DGCR2: variants seen among roughly 807,000 people sequenced by gnomAD.
DGCR2 encodes DiGeorge syndrome critical region gene 2.
DGCR2 carries 24 observed loss-of-function variants against 51.6 expected under a neutral mutation model. That is an observed-to-expected ratio of 0.47 (90% CI 0.34 to 0.65). DGCR2 has a LOEUF of 0.65. DGCR2 is among the 30% of genes least tolerant of loss of function. The pLI is 0.01. For synonymous variants in DGCR2, 340 were observed against 315.4 expected (o/e 1.08, Z -0.82); for missense variants, 765 against 772.1 (o/e 0.99, Z 0.11).
At chr22:19,084,795 T>A (rs1474974906) in intron 2 of DGCR2, among the ~76,000 whole-genome samples, 1 of 114,938 alleles carries the variant, frequency 8.7e-6, no homozygotes, top group Non-Finnish European at 1.7e-5. Context: ...AGCCGCCCCG[T>A]CCGGGAAGGA....
chr22:19,041,488 A>C, intron 8 of DGCR2, 194 bp from the exon 9 acceptor site: 1 of 618,972 alleles, frequency 1.6e-6, no homozygotes, highest in Non-Finnish European at 2.8e-6. Flanking sequence ...TCTCACCCTC[A>C]CCACACCAAC....
At position 19,063,167 on chromosome 22, in the gene DGCR2, AGCTTCAAACACTCCCACACACCAGAAGG is replaced by A; in HGVS notation, c.625+7_625+34del. 3 of 1,600,890 alleles carry A rather than the reference AGCTTCAAACACTCCCACACACCAGAAGG, an allele frequency of 1.9e-6. No homozygotes were observed. The highest frequency in any genetic ancestry group is 2.6e-6 in the Non-Finnish European group (3 of 1,168,050). ...GCCCCGAATCAGGGTGACTCTGCCCAGCTTCAAACACTCCCACACACCAGAAGGGCTCACCTTTGAATGCCACCTCCCA... is the reference window on the plus strand; with the variant it reads ...GCCCCGAATCAGGGTGACTCTGCCCAGCTCACCTTTGAATGCCACCTCCCA... On this transcript the variant is annotated splice_region_variant and intron_variant, in intron 5 of 9. Transcript: ENST00000263196.
At chr22:19,085,222 AT>A (rs2083001693) in intron 2 of DGCR2, among the ~76,000 whole-genome samples, 1 of 152,174 alleles carries the variant, frequency 6.6e-6, no homozygotes, top group Non-Finnish European at 1.5e-5. Context: ...TGGCAAGGCT[AT>A]ATAGTGTGAG....
intron 2 of DGCR2, among the ~76,000 whole-genome samples, chr22:19,088,416 C>T (rs905235297): frequency 9.2e-5 from 14 of 152,154 alleles, no homozygotes; most frequent in African/African-American, 3.1e-4. Flanking sequence ...TATGCAGAAA[C>T]AGAACAAGAG....
intron 4 of DGCR2, 64 bp downstream of exon 4, chr22:19,064,784 G>A (rs2082728714): frequency 1.3e-6 from 2 of 1,482,410 alleles, no homozygotes; most frequent in African/African-American, 1.4e-5. Flanking sequence ...GTGGTCAGAG[G>A]CCATGTGCTC....
chr22:19,072,744 C>A (rs2082829311), intron 2 of DGCR2, among the ~76,000 whole-genome samples: 1 of 151,948 alleles, frequency 6.6e-6, no homozygotes, highest in African/African-American at 2.4e-5. Flanking sequence ...CGTGGTGGCA[C>A]ACACCTGTAG....
rs138754488 is a variant in DGCR2, at chr22:19,052,989, G to A, written c.802+3997C>T. On this transcript the variant is annotated intron_variant, in intron 6 of 9. Coordinates refer to ENST00000263196, the MANE Select transcript of DGCR2 (RefSeq NM_005137.3). ...CTTCTGTAGCAACCAGTCTAGGGCA[G>A]TCAGGATCTGGCCAGTGGCCACCAG... Among the ~76,000 whole-genome samples, 449 of 152,366 alleles carry A rather than the reference G, an allele frequency of 2.9e-3. 2 individuals are homozygous for A. Among genetic ancestry groups the A allele is most frequent in the Non-Finnish European group, 3.9e-3 (266 of 68,034 alleles).
chr22:19,103,822 G>A (rs1227226914), intron 1 of DGCR2, among the ~76,000 whole-genome samples: 2 of 150,872 alleles, frequency 1.3e-5, no homozygotes, highest in African/African-American at 4.9e-5. Context: ...AAGGTGGGAG[G>A]GTCACTTGAG....
At chr22:19,116,986 G>C (rs180720551) in intron 1 of DGCR2, among the ~76,000 whole-genome samples, 7 of 152,164 alleles carry the variant, frequency 4.6e-5, no homozygotes, top group Admixed American at 4.6e-4. Context: ...TCACTGCTAA[G>C]AGGACACCTG....
rs552106221 is a variant in DGCR2 at position 19,097,168 on chromosome 22, C to T, written c.80-7678G>A. ...CCCCCATGCACCACATCCACCTTGCCTTGCCTTGGCTGCTTCTAAGTAGTA... is the reference window on the plus strand; with the variant it reads ...CCCCCATGCACCACATCCACCTTGCTTTGCCTTGGCTGCTTCTAAGTAGTA... On this transcript the variant is annotated intron_variant, in intron 1 of 9. Coordinates refer to ENST00000263196, the MANE Select transcript of DGCR2 (RefSeq NM_005137.3). Among the ~76,000 whole-genome samples, 66 of 152,164 alleles carry T rather than the reference C, an allele frequency of 4.3e-4. 1 individual carries two copies. Among genetic ancestry groups the T allele is most frequent in the Admixed American group, 4.3e-3 (66 of 15,264 alleles).
In DGCR2 at chr22:19,057,120, G is replaced by C; in HGVS notation, c.668C>G (p.Ser223Trp). 1 of 1,608,582 alleles carries C rather than the reference G, an allele frequency of 6.2e-7. No individual in the cohort carries two copies. Among genetic ancestry groups the C allele is most frequent in the South Asian group, 1.1e-5 (1 of 89,640 alleles). The change falls in exon 6 of 10, where the codon TCG (serine) becomes TGG (tryptophan). Residue 223 changes from serine (S) to tryptophan (W), a missense_variant. Around this residue, in one of 3 missense-constraint regions of DGCR2, gnomAD observed 370 missense variants for 325.5 expected, o/e 1.14. Coordinates refer to ENST00000263196, the MANE Select transcript of DGCR2 (RefSeq NM_005137.3). The surrounding 1 kb of genome is among the most constrained non-coding windows in gnomAD (Gnocchi z 5.1). The stretch of plus-strand genomic sequence containing the variant: ...CACGTTGTCGTTCTCAGACATGGCC[G>C]AGGCAAAGATGGGGTCTGGGGGCAG... ...VFLPPDPIFA[S>W]AMSENDNVFC...
Position 19,089,349 on chromosome 22 carries a change from G to A in DGCR2, c.202+19C>T, listed in dbSNP as rs373706300. ...AAAGAGACAAGGTGGTGTGTACCCCGCCTACTCAACACACTCACCTGGACA... is the reference window on the plus strand; with the variant it reads ...AAAGAGACAAGGTGGTGTGTACCCCACCTACTCAACACACTCACCTGGACA... On this transcript the variant is annotated intron_variant, in intron 2 of 9. Transcript: ENST00000263196. 111 of 1,576,010 alleles carry A rather than the reference G, an allele frequency of 7.0e-5. No homozygotes were observed. Among genetic ancestry groups the A allele is most frequent in the Non-Finnish European group, 8.6e-5 (100 of 1,158,656 alleles).
chr22:19,054,420 A>G (rs951339760), intron 6 of DGCR2, among the ~76,000 whole-genome samples: 1 of 152,252 alleles, frequency 6.6e-6, no homozygotes, highest in African/African-American at 2.4e-5. Flanking sequence ...GCTTGAAATT[A>G]TACCTAAATT....
chr22:19,051,188 CAAAAAAA>C (rs61277487), intron 6 of DGCR2, among the ~76,000 whole-genome samples: 39 of 54,860 alleles, frequency 7.1e-4, no homozygotes, highest in Middle Eastern at 0.013. Flanking sequence ...AATTCTGTCA[CAAAAAAA>C]AAAAAAAAAA....
chr22:19,052,876 A>G (rs547391077), intron 6 of DGCR2, among the ~76,000 whole-genome samples: 3 of 152,356 alleles, frequency 2.0e-5, no homozygotes, highest in Admixed American at 6.5e-5. Context: ...GGTTGCAACT[A>G]TATGATTCCA....
intron 2 of DGCR2, among the ~76,000 whole-genome samples, chr22:19,079,707 G>A (rs952172802): frequency 1.4e-4 from 21 of 152,202 alleles, no homozygotes; most frequent in Non-Finnish European, 1.5e-5. Flanking sequence ...GATGCAATTT[G>A]CCCAAAGGAT....
chr22:19,064,034 G>A lies in DGCR2; in HGVS notation c.549-756C>T, dbSNP rs1218393217. On this transcript the variant is annotated intron_variant, in intron 4 of 9. Coordinates refer to ENST00000263196, the MANE Select transcript of DGCR2 (RefSeq NM_005137.3). ...CCTGCAGCCTGCTCCTGAGCATGCAGGCCTAGCACTGAAAGGACCTTGCAC... is the reference window on the plus strand; with the variant it reads ...CCTGCAGCCTGCTCCTGAGCATGCAAGCCTAGCACTGAAAGGACCTTGCAC... 2.0e-5 allele frequency among the ~76,000 whole-genome samples: 3 copies of A among 152,208 alleles called. No homozygotes were observed. In the East Asian group the frequency reaches 5.8e-4, roughly 29 times the overall value.
intron 9 of DGCR2, among the ~76,000 whole-genome samples, chr22:19,040,045 A>G (rs1418009775): frequency 6.6e-6 from 1 of 152,104 alleles, no homozygotes; most frequent in Non-Finnish European, 1.5e-5. Flanking sequence ...CTGTCTCTGA[A>G]AGCTAACAGC....
intron 2 of DGCR2, among the ~76,000 whole-genome samples, chr22:19,071,923 C>G (rs914410963): frequency 2.6e-5 from 4 of 152,080 alleles, no homozygotes; most frequent in Admixed American, 2.6e-4. Flanking sequence ...GGCAGGTGAA[C>G]CCGGGTAAAG....
Sources: gnomAD v4.1 joint callset for allele counts (sites outside exome capture counted in the v4.1 genomes callset) on GRCh38, gnomAD v4.1.1 for gene constraint, gnomAD v4.1.1 regional missense constraint, Gnocchi (gnomAD v3.1) non-coding constraint, MANE v1.5 for transcripts, NCBI Gene and HGNC (gene_info 2026-07-23, HGNC 2026-07-21) for gene names.